Variants in MYO1D observed in about 807,000 individuals in gnomAD.
The protein encoded by MYO1D is unconventional myosin-Id.
MYO1D carries 83 observed loss-of-function variants against 122.0 expected under a neutral mutation model. That is an observed-to-expected ratio of 0.68 (90% confidence interval 0.57 to 0.82). The LOEUF (loss-of-function observed/expected upper bound fraction) is 0.82. MYO1D is among the 40% of genes least tolerant of loss of function. The pLI, the probability that MYO1D is intolerant of heterozygous loss-of-function variation, is 0.00. For synonymous variants in MYO1D, 464 were observed against 446.9 expected, an observed-to-expected ratio of 1.04 and a Z score of -0.48; for missense variants, 1,157 against 1,269.5, an observed-to-expected ratio of 0.91 and a Z score of 1.35.
intron 20 of MYO1D, among the ~76,000 whole-genome samples, chr17:32,611,526 G>A (rs1427834716): frequency 1.3e-5 from 2 of 152,272 alleles, no homozygotes; most frequent in African/African-American, 2.4e-5. Flanking sequence ...ATAAAATTCA[G>A]GTTTATATCC....
At chr17:32,830,755 C>CA (rs2090764236) in intron 1 of MYO1D, among the ~76,000 whole-genome samples, 1 of 152,074 alleles carries the variant, frequency 6.6e-6, no homozygotes, top group African/African-American at 2.4e-5. Context: ...TTTTTCTACA[C>CA]AAAAAGCGTT....
At chr17:32,758,671 T>G (rs1014834361) in intron 10 of MYO1D, among the ~76,000 whole-genome samples, 1 of 152,168 alleles carries the variant, frequency 6.6e-6, no homozygotes, top group Non-Finnish European at 1.5e-5. Context: ...TACTGTACTA[T>G]AGTCTGTCTT....
intron 2 of MYO1D, 75 bp from the exon 3 acceptor site, chr17:32,778,648 T>TA: frequency 7.7e-7 from 1 of 1,304,332 alleles, no homozygotes; most frequent in Admixed American, 2.0e-5. Flanking sequence ...TAGAATAATT[T>TA]AAAAATCTGA....
intron 21 of MYO1D, among the ~76,000 whole-genome samples, chr17:32,540,759 C>T (rs1338503786): frequency 6.6e-6 from 1 of 151,834 alleles, no homozygotes; most frequent in Non-Finnish European, 1.5e-5. Flanking sequence ...AACCCCGTCT[C>T]TACTAAAAAT....
intron 21 of MYO1D, among the ~76,000 whole-genome samples, chr17:32,552,978 C>T (rs550116108): frequency 2.0e-5 from 3 of 150,458 alleles, no homozygotes; most frequent in African/African-American, 7.3e-5. Context: ...GACTCACGCC[C>T]ATAATCCCAG....
chr17:32,835,422 C>T (rs148509590), intron 1 of MYO1D, among the ~76,000 whole-genome samples: 119 of 152,254 alleles, frequency 7.8e-4, no homozygotes, highest in African/African-American at 2.6e-3. Flanking sequence ...ACTGAAAGGA[C>T]CATGACTTAG....
At chr17:32,575,828 A>G (rs893506981) in intron 21 of MYO1D, among the ~76,000 whole-genome samples, 3 of 152,234 alleles carry the variant, frequency 2.0e-5, no homozygotes, top group Admixed American at 1.3e-4. Flanking sequence ...AACTACCTGT[A>G]GTGGCAATCA....
chr17:32,794,032 G>A (rs993190258), intron 1 of MYO1D, among the ~76,000 whole-genome samples: 12 of 152,134 alleles, frequency 7.9e-5, no homozygotes, highest in Admixed American at 5.9e-4. Context: ...TTCAGCATGC[G>A]GCATCAGTGC....
chr17:32,566,491 T>C (rs2087174635), intron 21 of MYO1D, among the ~76,000 whole-genome samples: 1 of 152,066 alleles, frequency 6.6e-6, no homozygotes, highest in Non-Finnish European at 1.5e-5. Context: ...CAGGTGAGCC[T>C]GCAGGTAAGT....
chr17:32,626,721 C>A (rs1377706870), intron 20 of MYO1D, among the ~76,000 whole-genome samples: 1 of 152,102 alleles, frequency 6.6e-6, no homozygotes, highest in African/African-American at 2.4e-5. Context: ...TAACAAAAGG[C>A]GTTTGCTTCT....
intron 21 of MYO1D, among the ~76,000 whole-genome samples, chr17:32,521,695 ATC>A (rs145203853): frequency 1.3e-5 from 2 of 152,332 alleles, no homozygotes; most frequent in East Asian, 3.9e-4. Context: ...CACGCCCATA[ATC>A]TCAGCACTTT....
intron 1 of MYO1D, among the ~76,000 whole-genome samples, chr17:32,839,652 GA>G (rs1435398407): frequency 6.6e-6 from 1 of 152,152 alleles, no homozygotes; most frequent in African/African-American, 2.4e-5. Context: ...TATAGGAAGA[GA>G]TTAATCCTCC....
chr17:32,509,608 C>T (rs1567871046), intron 21 of MYO1D, among the ~76,000 whole-genome samples: 3 of 150,612 alleles, frequency 2.0e-5, no homozygotes, highest in African/African-American at 7.3e-5. Context: ...TTTTTTGAGA[C>T]AGAGTCTTGC....
intron 1 of MYO1D, among the ~76,000 whole-genome samples, chr17:32,827,433 A>C (rs954850877): frequency 3.3e-5 from 5 of 152,186 alleles, no homozygotes; most frequent in African/African-American, 1.2e-4. Flanking sequence ...TCCAATGGGT[A>C]GAGTTTCAGT....
At chr17:32,671,384 G>C (rs971628983) in intron 16 of MYO1D, among the ~76,000 whole-genome samples, 4 of 152,144 alleles carry the variant, frequency 2.6e-5, no homozygotes, top group African/African-American at 7.2e-5. Context: ...CTAGCAAAGG[G>C]GCCAAGAAAA....
intron 1 of MYO1D, among the ~76,000 whole-genome samples, chr17:32,869,090 G>A (rs1043562273): frequency 2.6e-5 from 4 of 151,482 alleles, no homozygotes; most frequent in South Asian, 2.1e-4. Flanking sequence ...GTGGTGGTAC[G>A]TGCCTGTAAT....
chr17:32,720,892 G>T, intron 15 of MYO1D, 131 bp downstream of exon 15: 1 of 953,216 alleles, frequency 1.0e-6, no homozygotes, highest in Non-Finnish European at 1.5e-6. Context: ...TTTCATATTT[G>T]TAATTTCCTC....
intron 1 of MYO1D, among the ~76,000 whole-genome samples, chr17:32,816,359 A>G (rs534933348): frequency 3.3e-5 from 5 of 152,332 alleles, no homozygotes; most frequent in Admixed American, 1.3e-4. Context: ...CGCAGGGCCC[A>G]GAAGGATACA....
At chr17:32,612,753 A>G (rs2087719272) in intron 20 of MYO1D, among the ~76,000 whole-genome samples, 3 of 151,272 alleles carry the variant, frequency 2.0e-5, no homozygotes, top group Admixed American at 1.3e-4. Context: ...TTGTAATTGT[A>G]ATTTCATATT....
Sources: allele counts gnomAD v4.1 joint callset (sites outside exome capture counted in the v4.1 genomes callset), GRCh38; gene constraint gnomAD v4.1.1; transcripts MANE v1.5; gene names NCBI Gene and HGNC (gene_info 2026-07-23, HGNC 2026-07-21).